RNF212B: variants seen among roughly 807,000 people sequenced by gnomAD.
RNF212B encodes the protein E3 ubiquitin-protein ligase RNF212B.
In RNF212B, 52 loss-of-function variants were observed where a neutral mutation model predicts 55.5. The observed-to-expected ratio is 0.94, with a 90% CI of 0.75 to 1.18. The LOEUF (loss-of-function observed/expected upper bound fraction) is 1.18. RNF212B is among the 50% of genes most tolerant of loss of function. The pLI is 0.00. For missense variants in RNF212B, 289 were observed against 350.4 expected, an observed-to-expected ratio of 0.82 and a Z score of 1.40; for synonymous variants, 99 against 121.4, an observed-to-expected ratio of 0.82 and a Z score of 1.21.
At chr14:23,267,990 T>G (rs1211695588) in intron 11 of RNF212B, among the ~76,000 whole-genome samples, 1 of 152,222 alleles carries the variant, frequency 6.6e-6, no homozygotes, top group East Asian at 1.9e-4. Context: ...TTTTGTTATT[T>G]GTTTTCTATA....
At chr14:23,204,876 CTGTCGTCT>C (rs568287871) in intron 2 of RNF212B, among the ~76,000 whole-genome samples, 58 of 152,042 alleles carry the variant, frequency 3.8e-4, no homozygotes, top group Non-Finnish European at 5.9e-4. Context: ...TCATTTGTTT[CTGTCGTCT>C]ATGATTTCTC....
chr14:23,221,277 A>G (rs1007215832), intron 2 of RNF212B, among the ~76,000 whole-genome samples: 1 of 152,098 alleles, frequency 6.6e-6, no homozygotes, highest in Non-Finnish European at 1.5e-5. Flanking sequence ...TTATACAGAT[A>G]CACATAGATA....
At chr14:23,197,478 G>A (rs1594861414) in intron 2 of RNF212B, among the ~76,000 whole-genome samples, 1 of 152,246 alleles carries the variant, frequency 6.6e-6, no homozygotes, top group East Asian at 1.9e-4. Context: ...AGTGAGCTGA[G>A]ATCATGCCAC....
chr14:23,246,246 T>TG (rs1883973053), intron 4 of RNF212B, among the ~76,000 whole-genome samples: 1 of 152,026 alleles, frequency 6.6e-6, no homozygotes. Flanking sequence ...GCGATTCTCC[T>TG]GGGGGCAGGG....
At position 23,270,689 on chromosome 14, in the gene RNF212B, G is replaced by A. The variant is rs1225049266; in HGVS notation, c.834+28G>A. The A allele has an allele frequency of 2.0e-6, 3 of 1,493,846 alleles. No individual in the cohort carries two copies. The African/African-American group carries it at 4.2e-5, about 21-fold the overall frequency. The allele number at this position is 1,493,846 out of a possible 1,614,324, so 92.5% of individuals were successfully genotyped here. Reference sequence around the variant, plus strand: ...GAGACCTGGCTAGTCTAACTTGTCTGTGCATAAAATCTCACATGGTTAGGC... The same window carrying A: ...GAGACCTGGCTAGTCTAACTTGTCTATGCATAAAATCTCACATGGTTAGGC... On this transcript the variant is annotated intron_variant, in intron 14 of 14. Coordinates refer to ENST00000430154, the MANE Select transcript of RNF212B (RefSeq NM_001282322.3).
At chr14:23,218,535 G>C (rs948256922) in intron 2 of RNF212B, among the ~76,000 whole-genome samples, 2 of 151,858 alleles carry the variant, frequency 1.3e-5, no homozygotes, top group Non-Finnish European at 2.9e-5. Flanking sequence ...TGTGAGTCTG[G>C]GAAGTTGAGG....
intron 14 of RNF212B, among the ~76,000 whole-genome samples, chr14:23,270,939 T>C (rs989392647): frequency 2.0e-5 from 3 of 152,186 alleles, no homozygotes; most frequent in African/African-American, 7.2e-5. Flanking sequence ...TGTGGACACA[T>C]GGACATCTTC....
Position 23,229,217 on chromosome 14 carries a change from A to ATT in RNF212B, c.-1-11125_-1-11124dup, listed in dbSNP as rs1200217364. On this transcript the variant is annotated intron_variant, in intron 2 of 15. Transcript: ENST00000399910. ...TTTATTTCCTTTATGGCTGAATAAT[A>ATT]TTTTATATATATATATATATATATA... 8.4e-3 allele frequency among the ~76,000 whole-genome samples: 455 copies of ATT among 54,426 alleles called. 7 individuals are homozygous for ATT. The highest frequency in any genetic ancestry group is 0.023 in the East Asian group (25 of 1,082). 35.7% of individuals were successfully genotyped at this position (54,426 alleles called of 152,430 possible). A position where few individuals can be genotyped will look rare whatever the true frequency, so the allele number is the denominator to read the frequency against.
intron 2 of RNF212B, among the ~76,000 whole-genome samples, chr14:23,206,938 A>C (rs1439438511): frequency 6.0e-5 from 9 of 148,808 alleles, no homozygotes; most frequent in Non-Finnish European, 1.3e-4. Context: ...AGGTCTTAGA[A>C]GAGAAAAACA....
intron 7 of RNF212B, among the ~76,000 whole-genome samples, chr14:23,261,965 C>T (rs188648848): frequency 1.5e-3 from 183 of 125,382 alleles, no homozygotes; most frequent in African/African-American, 5.0e-3. Context: ...GGGACTCTGT[C>T]TCAAAACAAA....
chr14:23,232,542 G>A (rs1456249678), intron 2 of RNF212B, among the ~76,000 whole-genome samples: 1 of 151,752 alleles, frequency 6.6e-6, no homozygotes, highest in Non-Finnish European at 1.5e-5. Context: ...ACCCCTCTGG[G>A]AGGGAGGTGG....
chr14:23,202,578 G>A (rs1023157540), intron 2 of RNF212B, among the ~76,000 whole-genome samples: 11 of 152,030 alleles, frequency 7.2e-5, no homozygotes, highest in East Asian at 1.9e-4. Context: ...TAGGCTGGGC[G>A]TGATGGCTCA....
chr14:23,240,261 C>G (rs1422145166), intron 1 of RNF212B, 84 bp from the exon 2 acceptor site: 1 of 886,292 alleles, frequency 1.1e-6, no homozygotes, highest in South Asian at 1.6e-5. Flanking sequence ...AGAAGCTAAG[C>G]AAGCACGGTT....
At chr14:23,250,818 C>T (rs1180462159) in intron 4 of RNF212B, among the ~76,000 whole-genome samples, 4 of 152,200 alleles carry the variant, frequency 2.6e-5, no homozygotes, top group Admixed American at 1.3e-4. Flanking sequence ...TTGGTTCGAT[C>T]GGGAAAGGTG....
At chr14:23,199,005 A>T (rs1380787214) in intron 2 of RNF212B, among the ~76,000 whole-genome samples, 1 of 152,162 alleles carries the variant, frequency 6.6e-6, no homozygotes, top group African/African-American at 2.4e-5. Flanking sequence ...CACGCTGTCC[A>T]CTGAGAGGGC....
At chr14:23,185,797 C>T (rs989779235) in intron 1 of RNF212B, among the ~76,000 whole-genome samples, 1 of 152,062 alleles carries the variant, frequency 6.6e-6, no homozygotes, top group Non-Finnish European at 1.5e-5. Flanking sequence ...ATTACTGGTG[C>T]GATGTAATAT....
At chr14:23,270,380 G>T (rs1594955692) in intron 13 of RNF212B, among the ~76,000 whole-genome samples, 1 of 152,098 alleles carries the variant, frequency 6.6e-6, no homozygotes, top group African/African-American at 2.4e-5. Context: ...TATTTATATT[G>T]GCTATTTTCC....
upstream of RNF212B, among the ~76,000 whole-genome samples, chr14:23,233,132 T>G (rs1305246111): frequency 6.6e-6 from 1 of 152,224 alleles, no homozygotes; most frequent in Non-Finnish European, 1.5e-5. Flanking sequence ...CTCTGAAACA[T>G]GTGCTGTGTC....
At chr14:23,192,766 T>G (rs1440033731) in intron 1 of RNF212B, among the ~76,000 whole-genome samples, 1 of 152,110 alleles carries the variant, frequency 6.6e-6, no homozygotes, top group Non-Finnish European at 1.5e-5. Flanking sequence ...CTTTATGCCT[T>G]TAATTATCTT....
Sources: gnomAD v4.1 joint callset for allele counts (sites outside exome capture counted in the v4.1 genomes callset) on GRCh38, gnomAD v4.1.1 for gene constraint, MANE v1.5 for transcripts, NCBI Gene and HGNC (gene_info 2026-07-23, HGNC 2026-07-21) for gene names.